Variants in HOXC13 observed in about 807,000 individuals in gnomAD.
The protein encoded by HOXC13 is homeobox C13, also known as homeobox protein Hox-C13.
HOXC13 carries 10 observed loss-of-function variants against 25.9 expected under a neutral mutation model. That is an observed-to-expected ratio of 0.39 (90% CI 0.24 to 0.65). The LOEUF is 0.65. HOXC13 is among the 30% of genes least tolerant of loss of function. The pLI, the probability that HOXC13 is intolerant of heterozygous loss-of-function variation, is 0.50. For synonymous variants in HOXC13, 233 were observed against 217.1 expected (o/e 1.07, Z -0.64); for missense variants, 439 against 478.3 (o/e 0.92, Z 0.77).
rs1313096387 is a variant in HOXC13 at position 53,939,948 on chromosome 12, G to C, written c.736+306G>C. 2.6e-5 allele frequency among the ~76,000 whole-genome samples: 4 copies of C among 152,230 alleles called. No homozygotes were observed. The highest frequency in any genetic ancestry group is 2.0e-4 in the Admixed American group (3 of 15,280). On this transcript the variant is annotated intron_variant, in intron 1 of 1. Transcript: ENST00000243056. This position sits in a 1 kb window ranked among gnomAD's most constrained non-coding sequence, Gnocchi z 6.7. ...CCTTGCAGGCTCCAGCCTCCCGCCG[G>C]GCTCTTGGCCCCTAAACCTGCTTCC...
intron 1 of HOXC13, among the ~76,000 whole-genome samples, chr12:53,940,742 C>G (rs1214172364): frequency 6.6e-6 from 1 of 152,104 alleles, no homozygotes; most frequent in Non-Finnish European, 1.5e-5. Context: ...AGTGGGAGAG[C>G]GTTCTCCCTT....
chr12:53,939,673 C>T lies in HOXC13; in HGVS notation c.736+31C>T. On this transcript the variant is annotated intron_variant, in intron 1 of 1. Coordinates refer to ENST00000243056, the MANE Select transcript of HOXC13 (RefSeq NM_017410.3). The surrounding 1 kb of genome is among the most constrained non-coding windows in gnomAD (Gnocchi z 6.7). ...GAAGGGACCCGAGCGCCGCCGCCGC[C>T]GGGGACCCCTCCCCGCCCTGCCTGC... is the stretch of plus-strand genomic sequence containing the variant. 2.2e-6 allele frequency: 3 copies of T among 1,349,038 alleles called. No individual in the cohort carries two copies. The highest frequency in any genetic ancestry group is 2.2e-5 in the South Asian group (1 of 45,460). 83.6% of individuals were successfully genotyped at this position (1,349,038 alleles called of 1,614,324 possible).
In HOXC13 at chr12:53,946,500, A is replaced by G. The variant is rs1433130662; in HGVS notation, c.*1244A>G. ...TGTACTGAATGCAAAAAGGAAAAAA[A>G]CCCACAAACATGTTTTTAAAATAAA... On this transcript the variant is annotated 3_prime_UTR_variant, in exon 2 of 2. Coordinates refer to ENST00000243056, the MANE Select transcript of HOXC13 (RefSeq NM_017410.3). The G allele has an allele frequency of 5.0e-6, 1 of 198,608 alleles. No individual in the cohort carries two copies. Among genetic ancestry groups the G allele is most frequent in the Non-Finnish European group, 1.0e-5 (1 of 95,872 alleles). 12.3% of individuals were successfully genotyped at this position (198,608 alleles called of 1,614,324 possible).
chr12:53,941,964 T>TACATAA (rs1938616878), intron 1 of HOXC13, among the ~76,000 whole-genome samples: 1 of 152,220 alleles, frequency 6.6e-6, no homozygotes, highest in East Asian at 1.9e-4. Flanking sequence ...GCTGTCTCTC[T>TACATAA]ACAGTGCCTC....
intron 1 of HOXC13, 22 bp from the exon 2 acceptor site, chr12:53,944,978 C>T (rs780894479): frequency 1.8e-5 from 29 of 1,611,986 alleles, no homozygotes; most frequent in Admixed American, 1.7e-5. Flanking sequence ...CACTTCTTCC[C>T]GCTTGCCTTA....
intron 1 of HOXC13, among the ~76,000 whole-genome samples, chr12:53,942,574 A>G (rs538731270): frequency 6.6e-6 from 1 of 152,190 alleles, no homozygotes; most frequent in African/African-American, 2.4e-5. Context: ...ATCTGGAGGG[A>G]GACTAGGGAA....
chr12:53,942,151 A>T (rs1024219544), intron 1 of HOXC13, among the ~76,000 whole-genome samples: 3 of 74,232 alleles, frequency 4.0e-5, no homozygotes, highest in African/African-American at 6.2e-5. Flanking sequence ...CGGTGAGTGT[A>T]GACTTTTTTT....
rs761641716 is a variant in HOXC13 at position 53,945,627 on chromosome 12, G to A, written c.*371G>A. ...AAAGCAGGGTTGGGGAATCCCGAAT[G>A]GCCCCAATTCTTGCCTCATCCTATG... On this transcript the variant is annotated 3_prime_UTR_variant, in exon 2 of 2. Coordinates refer to ENST00000243056, the MANE Select transcript of HOXC13 (RefSeq NM_017410.3). The surrounding 1 kb of genome is among the most constrained non-coding windows in gnomAD (Gnocchi z 4.4). The A allele has an allele frequency of 1.2e-5, 4 of 346,352 alleles. No homozygotes were observed. Among genetic ancestry groups the A allele is most frequent in the African/African-American group, 2.0e-5 (1 of 49,796 alleles). 21.5% of individuals were successfully genotyped at this position (346,352 alleles called of 1,614,324 possible).
Position 53,945,281 on chromosome 12 carries a change from C to G in HOXC13, c.*25C>G. ...ACCACCCACCCGCTGCTTGCCCCAT[C>G]TATTTATGTCTCCGCTTTGTACCAT... On this transcript the variant is annotated 3_prime_UTR_variant, in exon 2 of 2. Coordinates refer to ENST00000243056, the MANE Select transcript of HOXC13 (RefSeq NM_017410.3). The surrounding 1 kb of genome is among the most constrained non-coding windows in gnomAD (Gnocchi z 4.4). The G allele has an allele frequency of 1.9e-6, 3 of 1,612,462 alleles. No homozygotes were observed. The highest frequency in any genetic ancestry group is 2.5e-6 in the Non-Finnish European group (3 of 1,178,884).
rs756399146 is a variant in HOXC13, at chr12:53,939,464, C to T, written c.558C>T (p.Pro186=). The change falls in exon 1 of 2, where the codon CCC becomes CCT. Residue 186 remains proline, a synonymous_variant. Transcript: ENST00000243056. This position sits in a 1 kb window ranked among gnomAD's most constrained non-coding sequence, Gnocchi z 6.7. ...TCGCCAGCTCCTACCAGGCGATGCC[C>T]GGCTACCTGGACGTGTCGGTGGTGC... ...PSFASSYQAM[P]GYLDVSVVPG... 1 of 1,608,902 alleles carries T rather than the reference C, an allele frequency of 6.2e-7. No homozygotes were observed. The highest frequency in any genetic ancestry group is 8.5e-7 in the Non-Finnish European group (1 of 1,179,382).
chr12:53,938,916 T>C lies in HOXC13; in HGVS notation c.10T>C (p.Ser4Pro). The change falls in exon 1 of 2, where the codon TCG becomes CCG. Residue 4 changes from serine to proline, a missense_variant. Transcript: ENST00000243056. MTT[S>P]LLLHPRWPES... ...TCCAGCAGATCATGTCATGACGACT[T>C]CGCTGCTCCTGCATCCACGCTGGCC... 1 of 1,557,788 alleles carries C rather than the reference T, an allele frequency of 6.4e-7. No individual in the cohort carries two copies. The highest frequency in any genetic ancestry group is 8.6e-7 in the Non-Finnish European group (1 of 1,159,612).
chr12:53,942,858 G>GA (rs1693258978), intron 1 of HOXC13, among the ~76,000 whole-genome samples: 1 of 152,150 alleles, frequency 6.6e-6, no homozygotes, highest in Non-Finnish European at 1.5e-5. Flanking sequence ...TAAACCAGTT[G>GA]TCTACTTTTT....
At chr12:53,944,095 CA>C (rs1194322831) in intron 1 of HOXC13, among the ~76,000 whole-genome samples, 1 of 152,094 alleles carries the variant, frequency 6.6e-6, no homozygotes, top group Non-Finnish European at 1.5e-5. Context: ...ATGGTTGGTG[CA>C]AGGGATGTAG....
rs182564222 is a variant in HOXC13, at chr12:53,943,332, G to A, written c.737-1668G>A. Reference sequence around the variant, plus strand: ...TTCATTCTATTCTTGTCAACAAATCGTCAATTTCCCAAATCATGGTTACCT... The same window carrying A: ...TTCATTCTATTCTTGTCAACAAATCATCAATTTCCCAAATCATGGTTACCT... On this transcript the variant is annotated intron_variant, in intron 1 of 1. Coordinates refer to ENST00000243056, the MANE Select transcript of HOXC13 (RefSeq NM_017410.3). Among the ~76,000 whole-genome samples, 39 of 152,238 alleles carry A rather than the reference G, an allele frequency of 2.6e-4. 1 individual carries two copies. Among genetic ancestry groups the A allele is most frequent in the East Asian group, 1.3e-3 (7 of 5,186 alleles).
rs1938691389 is a variant in HOXC13 at position 53,946,199 on chromosome 12, G to A, written c.*943G>A. On this transcript the variant is annotated 3_prime_UTR_variant, in exon 2 of 2. Transcript: ENST00000243056. Reference sequence around the variant, plus strand: ...CCTTTCCATCAGGGCACTAGCCCAGGAATGACTCCTCACACTTTCACCTTT... The same window carrying A: ...CCTTTCCATCAGGGCACTAGCCCAGAAATGACTCCTCACACTTTCACCTTT... The A allele has an allele frequency of 4.4e-6, 1 of 229,478 alleles. No homozygotes were observed. The highest frequency in any genetic ancestry group is 2.2e-5 in the African/African-American group (1 of 45,134). The allele number at this position is 229,478 out of a possible 1,614,324, so 14.2% of individuals were successfully genotyped here. A position where few individuals can be genotyped will look rare whatever the true frequency, so the allele number is the denominator to read the frequency against.
intron 1 of HOXC13, among the ~76,000 whole-genome samples, 172 bp from the exon 2 acceptor site, chr12:53,944,828 G>T (rs1405428331): frequency 6.6e-6 from 1 of 152,196 alleles, no homozygotes; most frequent in Non-Finnish European, 1.5e-5. Context: ...CATCATAGTT[G>T]TGGTCTTGCT....
Sources: gnomAD v4.1 joint callset for allele counts (sites outside exome capture counted in the v4.1 genomes callset) on GRCh38, gnomAD v4.1.1 for gene constraint, Gnocchi (gnomAD v3.1) non-coding constraint, MANE v1.5 for transcripts, NCBI Gene and HGNC (gene_info 2026-07-23, HGNC 2026-07-21) for gene names.